Variants in KDELR2 observed in about 807,000 individuals in gnomAD.
KDELR2 encodes KDEL endoplasmic reticulum protein retention receptor 2, also known as ER lumen protein-retaining receptor 2.
In KDELR2, 15 loss-of-function variants were observed where a neutral mutation model predicts 23.9. The ratio of observed to expected loss-of-function variants is 0.63; its 90% CI spans 0.42 to 0.97. The LOEUF (loss-of-function observed/expected upper bound fraction) is 0.97. Ranked by LOEUF, KDELR2 falls within the 50% of genes least tolerant of loss-of-function variation. The pLI, the probability that KDELR2 is intolerant of heterozygous loss-of-function variation, is 0.00. For missense variants in KDELR2, 272 were observed against 254.6 expected, an observed-to-expected ratio of 1.07 and a Z score of -0.46; for synonymous variants, 119 against 106.2, an observed-to-expected ratio of 1.12 and a Z score of -0.74.
At chr7:6,475,742 G>A (rs552906378) in intron 1 of KDELR2, among the ~76,000 whole-genome samples, 1 of 152,298 alleles carries the variant, frequency 6.6e-6, no homozygotes, top group Non-Finnish European at 1.5e-5. Flanking sequence ...GCTGGAGACT[G>A]AGCAAATGCA....
chr7:6,477,816 G>A lies in KDELR2; in HGVS notation c.92-3532C>T, dbSNP rs1410942893. Among the ~76,000 whole-genome samples the A allele has an allele frequency of 2.0e-5, 3 of 152,220 alleles. No homozygotes were observed. The East Asian group carries it at 5.8e-4, about 29-fold the overall frequency. On this transcript the variant is annotated intron_variant, in intron 1 of 4. Coordinates refer to ENST00000258739, the MANE Select transcript of KDELR2 (RefSeq NM_006854.4). ...AAATAGTTAGAAGTTTTCGAATGAA[G>A]AAATGATAAACACATGAGGTGACGG...
chr7:6,468,078 G>A (rs1305247659), intron 3 of KDELR2, among the ~76,000 whole-genome samples: 2 of 152,198 alleles, frequency 1.3e-5, no homozygotes, highest in Non-Finnish European at 2.9e-5. Flanking sequence ...AGGGCTCTGT[G>A]TTTGGTACCA....
Position 6,462,780 on chromosome 7 carries a change from A to G in KDELR2, c.*361T>C, listed in dbSNP as rs1312075947. On this transcript the variant is annotated 3_prime_UTR_variant, in exon 5 of 5. Coordinates refer to ENST00000258739, the MANE Select transcript of KDELR2 (RefSeq NM_006854.4). Reference sequence around the variant, plus strand: ...AGGAGTACAATTTCATTGCAGACACAAAGACTTAAGAGTTTCAAAGAATTT... The same window carrying G: ...AGGAGTACAATTTCATTGCAGACACGAAGACTTAAGAGTTTCAAAGAATTT... 4 of 510,906 alleles carry G rather than the reference A, an allele frequency of 7.8e-6. No individual in the cohort carries two copies. Among genetic ancestry groups the G allele is most frequent in the African/African-American group, 3.9e-5 (2 of 51,094 alleles). The allele number at this position is 510,906 out of a possible 1,614,324, so 31.6% of individuals were successfully genotyped here.
intron 4 of KDELR2, among the ~76,000 whole-genome samples, chr7:6,463,840 C>T (rs1470550235): frequency 1.3e-5 from 2 of 151,294 alleles, no homozygotes; most frequent in Non-Finnish European, 2.9e-5. Flanking sequence ...GTGGGCGGAT[C>T]TCCTGAGGTC....
intron 1 of KDELR2, among the ~76,000 whole-genome samples, chr7:6,474,780 C>T (rs555431478): frequency 1.4e-4 from 22 of 152,332 alleles, no homozygotes; most frequent in South Asian, 1.0e-3. Flanking sequence ...CTTCCCACCT[C>T]GGCCTCCAGA....
intron 3 of KDELR2, among the ~76,000 whole-genome samples, chr7:6,469,083 C>G (rs1358941059): frequency 3.9e-5 from 6 of 151,938 alleles, no homozygotes; most frequent in African/African-American, 1.5e-4. Context: ...TCCCCAGTAG[C>G]TGGGACTACA....
At chr7:6,473,708 T>C (rs977304357) in intron 2 of KDELR2, among the ~76,000 whole-genome samples, 7 of 152,164 alleles carry the variant, frequency 4.6e-5, no homozygotes, top group African/African-American at 1.7e-4. Flanking sequence ...TAAGTAAAAC[T>C]GACTCAGTGG....
At chr7:6,482,136 G>A (rs1191102632) in intron 1 of KDELR2, among the ~76,000 whole-genome samples, 4 of 152,096 alleles carry the variant, frequency 2.6e-5, no homozygotes, top group Non-Finnish European at 4.4e-5. Context: ...CCGAGTAGCT[G>A]GGATTACAGG....
Position 6,472,897 on chromosome 7 carries a change from C to CTT in KDELR2, c.192+1285_192+1286dup, listed in dbSNP as rs35369447. On this transcript the variant is annotated intron_variant, in intron 2 of 4. Transcript: ENST00000258739. Reference sequence around the variant, plus strand: ...ATTACATATCCTGAGAGCCCCTGTTCTTTTTTTTTTTTTTTTTTTTCAGAC... The same window carrying CTT: ...ATTACATATCCTGAGAGCCCCTGTTCTTTTTTTTTTTTTTTTTTTTTTCAGAC... 6.1e-3 allele frequency among the ~76,000 whole-genome samples: 681 copies of CTT among 111,202 alleles called. 9 individuals carry two copies. Among genetic ancestry groups the CTT allele is most frequent in the African/African-American group, 0.019 (566 of 29,134 alleles). 73.0% of individuals were successfully genotyped at this position (111,202 alleles called of 152,430 possible). A position where few individuals can be genotyped will look rare whatever the true frequency, so the allele number is the denominator to read the frequency against.
chr7:6,468,889 C>T, intron 3 of KDELR2, among the ~76,000 whole-genome samples: 1 of 152,164 alleles, frequency 6.6e-6, no homozygotes, highest in East Asian at 1.9e-4. Flanking sequence ...GATCTGCCCA[C>T]CTCGGCCTCC....
chr7:6,474,440 T>C (rs1209483413), intron 1 of KDELR2, among the ~76,000 whole-genome samples, 156 bp from the exon 2 acceptor site: 1 of 152,126 alleles, frequency 6.6e-6, no homozygotes, highest in African/African-American at 2.4e-5. Flanking sequence ...AGTTGTAGTT[T>C]TTCTATCCCT....
chr7:6,469,971 T>A (rs1247754189), intron 2 of KDELR2: 1 of 384,550 alleles, frequency 2.6e-6, no homozygotes, highest in Non-Finnish European at 4.6e-6. Flanking sequence ...AATAGTTCCA[T>A]CATCCCCAAA....
At chr7:6,464,382 G>C (rs564160962) in intron 4 of KDELR2, among the ~76,000 whole-genome samples, 56 of 152,190 alleles carry the variant, frequency 3.7e-4, no homozygotes, top group Non-Finnish European at 7.5e-4. Context: ...AGCCGGGCGT[G>C]GTGGTGCGCA....
At position 6,461,662 on chromosome 7, in the gene KDELR2, C is replaced by T. The variant is rs1785391483; in HGVS notation, c.*1479G>A. 1 of 150,978 alleles carries T rather than the reference C, an allele frequency of 6.6e-6. No individual in the cohort carries two copies. The highest frequency in any genetic ancestry group is 1.5e-5 in the Non-Finnish European group (1 of 67,876). 9.4% of individuals were successfully genotyped at this position (150,978 alleles called of 1,614,324 possible). A position where few individuals can be genotyped will look rare whatever the true frequency, so the allele number is the denominator to read the frequency against. ...GCCGATTTAGAAAGATGTTAAGACACACACTAGATACAAATGAAACCCATC... is the reference window on the plus strand; with the variant it reads ...GCCGATTTAGAAAGATGTTAAGACATACACTAGATACAAATGAAACCCATC... On this transcript the variant is annotated 3_prime_UTR_variant, in exon 5 of 5. Coordinates refer to ENST00000258739, the MANE Select transcript of KDELR2 (RefSeq NM_006854.4).
intron 1 of KDELR2, among the ~76,000 whole-genome samples, chr7:6,479,848 G>A (rs1050123994): frequency 9.9e-5 from 15 of 152,178 alleles, no homozygotes; most frequent in African/African-American, 1.9e-4. Context: ...CATAGTGGGT[G>A]GTCAATAAAT....
Position 6,461,788 on chromosome 7 carries a change from T to C in KDELR2, c.*1353A>G, listed in dbSNP as rs1054401. 1.3e-5 allele frequency: 2 copies of C among 151,986 alleles called. No individual in the cohort carries two copies. Among genetic ancestry groups the C allele is most frequent in the Non-Finnish European group, 2.9e-5 (2 of 68,016 alleles). The allele number at this position is 151,986 out of a possible 1,614,324, so 9.4% of individuals were successfully genotyped here. ...GTATTCAACACTTTAATATTTATGG[T>C]GTATCACATAAAAAACAAAGTCATA... On this transcript the variant is annotated 3_prime_UTR_variant, in exon 5 of 5. Coordinates refer to ENST00000258739, the MANE Select transcript of KDELR2 (RefSeq NM_006854.4).
At position 6,476,313 on chromosome 7, in the gene KDELR2, T is replaced by TA. The variant is rs1007699466; in HGVS notation, c.92-2030dup. On this transcript the variant is annotated intron_variant, in intron 1 of 4. Coordinates refer to ENST00000258739, the MANE Select transcript of KDELR2 (RefSeq NM_006854.4). ...GAGACACGGACAGTGAATCTGCTCT[T>TA]AGTCTTTTCCCCGTAACGGATAACT... is the stretch of plus-strand genomic sequence containing the variant. Among the ~76,000 whole-genome samples, 3 of 118,732 alleles carry TA rather than the reference T, an allele frequency of 2.5e-5. No individual in the cohort carries two copies. In the Admixed American group the frequency reaches 2.5e-4, roughly 10 times the overall value. The allele number at this position is 118,732 out of a possible 152,430, so 77.9% of individuals were successfully genotyped here. A position where few individuals can be genotyped will look rare whatever the true frequency, so the allele number is the denominator to read the frequency against.
rs1304327343 is a variant in KDELR2 at position 6,461,402 on chromosome 7, G to T, written c.*1739C>A. 2 of 151,804 alleles carry T rather than the reference G, an allele frequency of 1.3e-5. No individual in the cohort carries two copies. Among genetic ancestry groups the T allele is most frequent in the Non-Finnish European group, 2.9e-5 (2 of 68,028 alleles). The allele number at this position is 151,804 out of a possible 1,614,324, so 9.4% of individuals were successfully genotyped here. On this transcript the variant is annotated 3_prime_UTR_variant, in exon 5 of 5. Coordinates refer to ENST00000258739, the MANE Select transcript of KDELR2 (RefSeq NM_006854.4). ...TTTGCATGCACAAAGACAGGTGTGC[G>T]CCCCACCCACCCTGGGCTGGGCAGC...
chr7:6,470,320 A>G (rs1314258740), intron 2 of KDELR2: 1 of 152,130 alleles, frequency 6.6e-6, no homozygotes, highest in Admixed American at 6.5e-5. Flanking sequence ...ACTCTTGGAG[A>G]ATCTCCCACC....
Sources: allele counts gnomAD v4.1 joint callset (sites outside exome capture counted in the v4.1 genomes callset), GRCh38; gene constraint gnomAD v4.1.1; transcripts MANE v1.5; gene names NCBI Gene and HGNC (gene_info 2026-07-23, HGNC 2026-07-21).